The following PRPF31 variants were observed in gnomAD, a reference collection of about 807,000 sequenced individuals.
PRPF31 encodes the protein U4/U6 small nuclear ribonucleoprotein Prp31.
A neutral mutation model predicts 60.4 loss-of-function variants in PRPF31; 12 were observed. The ratio of observed to expected loss-of-function variants is 0.20; its 90% confidence interval spans 0.13 to 0.32. The LOEUF (loss-of-function observed/expected upper bound fraction) is 0.32. PRPF31 is among the 10% of genes least tolerant of loss of function. The pLI is 1.00. For missense variants in PRPF31, 431 were observed against 687.1 expected, an observed-to-expected ratio of 0.63 and a Z score of 4.17; for synonymous variants, 287 against 287.9, an observed-to-expected ratio of 1.00 and a Z score of 0.03.
intron 1 of PRPF31, 72 bp from the exon 2 acceptor site, chr19:54,118,199 G>C (rs2073697618): frequency 2.5e-6 from 4 of 1,607,042 alleles, no homozygotes; most frequent in Non-Finnish European, 3.4e-6. Flanking sequence ...TTCTGGGGGA[G>C]AATCATCGCT....
rs2073794423 is a variant in PRPF31, at chr19:54,121,762, T to G, written c.239-98T>G. 3.4e-6 allele frequency: 4 copies of G among 1,191,286 alleles called. No homozygotes were observed. In the Admixed American group the frequency reaches 7.9e-5, roughly 24 times the overall value. 73.8% of individuals were successfully genotyped at this position (1,191,286 alleles called of 1,614,324 possible). On this transcript the variant is annotated intron_variant, in intron 3 of 13. Transcript: ENST00000321030. ...GGTTTACTCTTCAGCCCCTCCTTCCTGACCCCTCCCAACTTCATCCTCCGC... is the reference window on the plus strand; with the variant it reads ...GGTTTACTCTTCAGCCCCTCCTTCCGGACCCCTCCCAACTTCATCCTCCGC...
intron 3 of PRPF31, among the ~76,000 whole-genome samples, chr19:54,119,246 G>C (rs1385717709): frequency 2.6e-5 from 4 of 151,914 alleles, no homozygotes; most frequent in Admixed American, 6.6e-5. Flanking sequence ...GCCAGGCGTG[G>C]TGGCGGGTGC....
intron 11 of PRPF31, 130 bp downstream of exon 11, chr19:54,128,507 C>CG (rs1467996717): frequency 1.7e-4 from 157 of 946,674 alleles, no homozygotes; most frequent in African/African-American, 9.5e-4. Context: ...CAGCCTCCCC[C>CG]CCCCCGGCCT....
At chr19:54,126,303 C>G (rs778773384) in intron 8 of PRPF31, among the ~76,000 whole-genome samples, 3 of 152,190 alleles carry the variant, frequency 2.0e-5, no homozygotes, top group Non-Finnish European at 4.4e-5. Flanking sequence ...TACTGTCATC[C>G]TTACCTGATG....
intron 3 of PRPF31, among the ~76,000 whole-genome samples, chr19:54,121,058 A>G (rs1448627001): frequency 6.6e-6 from 1 of 152,120 alleles, no homozygotes; most frequent in Non-Finnish European, 1.5e-5. Context: ...TTGGGTGGTC[A>G]AGGCAGATGG....
chr19:54,126,608 A>G lies in PRPF31; in HGVS notation c.936A>G (p.Thr312=). The G allele has an allele frequency of 6.2e-7, 1 of 1,613,702 alleles. No individual in the cohort carries two copies. Among genetic ancestry groups the G allele is most frequent in the Non-Finnish European group, 8.5e-7 (1 of 1,179,870 alleles). Residue 312 remains threonine (T), a synonymous_variant, in exon 9 of 14, where the codon ACA becomes ACG. Transcript: ENST00000321030. ...AARVDSFHES[T]EGKVGYELKD... ...GTGTGGACAGTTTCCACGAGAGCAC[A>G]GAAGGGAAGGTGAGGAGGGAAAGGT...
chr19:54,131,549 T>G lies in PRPF31; in HGVS notation c.*117T>G. 6.8e-7 allele frequency: 1 copy of G among 1,476,960 alleles called. No individual in the cohort carries two copies. Among genetic ancestry groups the G allele is most frequent in the South Asian group, 1.2e-5 (1 of 83,444 alleles). The allele number at this position is 1,476,960 out of a possible 1,614,324, so 91.5% of individuals were successfully genotyped here. A position where few individuals can be genotyped will look rare whatever the true frequency, so the allele number is the denominator to read the frequency against. On this transcript the variant is annotated 3_prime_UTR_variant, in exon 14 of 14. Coordinates refer to ENST00000321030, the MANE Select transcript of PRPF31 (RefSeq NM_015629.4). ...CCTGCCCTGCCACTGGCCCCATTGCTGGGACTGCCCAGGGAGGAGGCCTTG... is the reference window on the plus strand; with the variant it reads ...CCTGCCCTGCCACTGGCCCCATTGCGGGGACTGCCCAGGGAGGAGGCCTTG...
At position 54,123,861 on chromosome 19, in the gene PRPF31, T is replaced by G; in HGVS notation, c.640T>G (p.Phe214Val). ...IYEYVESRMS[F>V]IAPNLSIIIG... is the part of the protein sequence containing the mutation. ...CGAGTATGTGGAGTCCCGGATGTCC[T>G]TCATCGCACCCAACCTGTCCATCAT... The change falls in exon 7 of 14, where the codon TTC (phenylalanine) becomes GTC (valine). Residue 214 changes from phenylalanine (F) to valine (V), a missense_variant. Around this residue, in one of 4 missense-constraint regions of PRPF31, gnomAD observed 314 missense variants for 475.3 expected, o/e 0.66. Transcript: ENST00000321030. The G allele has an allele frequency of 6.2e-7, 1 of 1,613,996 alleles. No individual in the cohort carries two copies. The highest frequency in any genetic ancestry group is 8.5e-7 in the Non-Finnish European group (1 of 1,180,006).
chr19:54,123,385 C>G, intron 5 of PRPF31, 69 bp from the exon 6 acceptor site: 2 of 1,185,080 alleles, frequency 1.7e-6, no homozygotes, highest in Non-Finnish European at 1.3e-6. Flanking sequence ...TGAGGAGGTG[C>G]TGAGCAAGAG....
intron 4 of PRPF31, chr19:54,122,205 G>C (rs1335031554): frequency 3.2e-6 from 2 of 622,020 alleles, no homozygotes; most frequent in Admixed American, 5.2e-5. Context: ...CCTGCCTCAC[G>C]GTGCGAGGTG....
At chr19:54,119,420 C>G (rs1486975006) in intron 3 of PRPF31, 1 of 151,038 alleles carries the variant, frequency 6.6e-6, no homozygotes, top group African/African-American at 2.4e-5. Context: ...TTCTCATGCC[C>G]AAATTGAGAG....
chr19:54,126,387 A>G (rs1174892403), intron 8 of PRPF31, 141 bp from the exon 9 acceptor site: 1 of 751,506 alleles, frequency 1.3e-6, no homozygotes, highest in Non-Finnish European at 2.3e-6. Flanking sequence ...AGCTGAGAGC[A>G]CACACCTCTA....
chr19:54,123,163 C>A (rs1027765643), intron 5 of PRPF31: 9 of 562,518 alleles, frequency 1.6e-5, no homozygotes, highest in Admixed American at 3.1e-5. Flanking sequence ...GATTTGCACT[C>A]CGACTTGACG....
intron 3 of PRPF31, 23 bp downstream of exon 3, chr19:54,118,656 C>T: frequency 2.5e-6 from 4 of 1,612,634 alleles, no homozygotes; most frequent in Non-Finnish European, 2.5e-6. Context: ...ACTCTGTGCC[C>T]CTCCCCATCT....
chr19:54,131,106 C>T (rs587714171), intron 13 of PRPF31, among the ~76,000 whole-genome samples: 58 of 152,262 alleles, frequency 3.8e-4, no homozygotes, highest in Non-Finnish European at 6.6e-4. Context: ...CAAATCCAGG[C>T]GCCCTGGTTC....
At chr19:54,123,193 G>A (rs1018622910) in intron 5 of PRPF31, 14 of 587,156 alleles carry the variant, frequency 2.4e-5, no homozygotes, top group South Asian at 2.0e-4. Context: ...GGCTTGTGAG[G>A]CCACAGTCTT....
At position 54,125,135 on chromosome 19, in the gene PRPF31, G is replaced by A. The variant is rs371390167; in HGVS notation, c.855+479G>A. 76 of 229,146 alleles carry A rather than the reference G, an allele frequency of 3.3e-4. 1 individual carries two copies. The East Asian group carries it at 4.7e-3, about 14-fold the overall frequency. 14.2% of individuals were successfully genotyped at this position (229,146 alleles called of 1,614,324 possible). On this transcript the variant is annotated intron_variant, in intron 8 of 13. Transcript: ENST00000321030. ...GAGGTCACCAACCTCGGAGCTTCCCGGGTCCTCTCCCTGCAGTCGGGACAC... is the reference window on the plus strand; with the variant it reads ...GAGGTCACCAACCTCGGAGCTTCCCAGGTCCTCTCCCTGCAGTCGGGACAC...
At position 54,129,117 on chromosome 19, in the gene PRPF31, G is replaced by A. The variant is rs1209310656; in HGVS notation, c.1207G>A (p.Gly403Ser). The A allele has an allele frequency of 1.3e-6, 2 of 1,582,868 alleles. No homozygotes were observed. The highest frequency in any genetic ancestry group is 1.7e-6 in the Non-Finnish European group (2 of 1,165,526). ...GFSLGHLGKS[G>S]SGRVRQTQVN... ...CAGCCTGGGCCACCTGGGCAAGTCG[G>A]GCAGTGGGCGTGTGCGGCAGACACA... Residue 403 changes from glycine to serine, a missense_variant, in exon 12 of 14, where the codon GGC (glycine) becomes AGC (serine). By Grantham distance (56) the Gly-to-Ser change is moderately conservative. This residue lies in a region of PRPF31 where 314 missense variants were observed against 475.3 expected (regional missense o/e 0.66). Coordinates refer to ENST00000321030, the MANE Select transcript of PRPF31 (RefSeq NM_015629.4).
intron 13 of PRPF31, 112 bp downstream of exon 13, chr19:54,129,482 GGGTGT>G: frequency 1.5e-6 from 2 of 1,333,946 alleles, no homozygotes; most frequent in Non-Finnish European, 2.1e-6. Flanking sequence ...CTGTTGTGGA[GGGTGT>G]GGTGACGAGG....
Sources: allele counts gnomAD v4.1 joint callset (sites outside exome capture counted in the v4.1 genomes callset), GRCh38; gene constraint gnomAD v4.1.1; regional missense constraint gnomAD v4.1.1; transcripts MANE v1.5; gene names NCBI Gene and HGNC (gene_info 2026-07-23, HGNC 2026-07-21).